SLCO3A1: variants seen among roughly 807,000 people sequenced by gnomAD.
The protein encoded by SLCO3A1 is solute carrier organic anion transporter family member 3A1, also known as PGE1 transporter.
A neutral mutation model predicts 63.1 loss-of-function variants in SLCO3A1; 27 were observed. That is an observed-to-expected ratio of 0.43 (90% CI 0.32 to 0.59). SLCO3A1 has a LOEUF of 0.59. Among genes scored for constraint, SLCO3A1 ranks in the 20% least tolerant of loss-of-function variants. The pLI, the probability that SLCO3A1 is intolerant of heterozygous loss-of-function variation, is 0.09. For synonymous variants in SLCO3A1, 473 were observed against 409.9 expected (o/e 1.15, Z -1.86); for missense variants, 773 against 945.8 (o/e 0.82, Z 2.40).
At chr15:92,076,318 C>G (rs1002401168) in intron 2 of SLCO3A1, among the ~76,000 whole-genome samples, 2 of 152,180 alleles carry the variant, frequency 1.3e-5, no homozygotes, top group Non-Finnish European at 2.9e-5. Flanking sequence ...CTGCCCTTCC[C>G]AGTCAGAACC....
At chr15:92,167,606 G>T (rs542833652), downstream of SLCO3A1, among the ~76,000 whole-genome samples, 1 of 152,178 alleles carries the variant, frequency 6.6e-6, no homozygotes, top group Admixed American at 6.5e-5. Flanking sequence ...CACGCCCCTA[G>T]TGTACTGTCA....
intron 2 of SLCO3A1, among the ~76,000 whole-genome samples, chr15:91,946,055 A>G (rs1310740498): frequency 2.6e-5 from 4 of 152,232 alleles, no homozygotes; most frequent in Non-Finnish European, 5.9e-5. Flanking sequence ...ATAGCGAAGT[A>G]AAAGCATCAG....
chr15:92,163,362 C>G lies in SLCO3A1; in HGVS notation c.*227C>G. ...TCGTGCGGCAGGGTCCTGGAGGCCA[C>G]TTGCGCGGCTGGGCCACAGAGTCTA... is the stretch of plus-strand genomic sequence containing the variant. On this transcript the variant is annotated 3_prime_UTR_variant, in exon 10 of 10. Transcript: ENST00000318445. 2 of 1,184,296 alleles carry G rather than the reference C, an allele frequency of 1.7e-6. No individual in the cohort carries two copies. The highest frequency in any genetic ancestry group is 2.1e-6 in the Non-Finnish European group (2 of 959,182). The allele number at this position is 1,184,296 out of a possible 1,614,324, so 73.4% of individuals were successfully genotyped here.
intron 2 of SLCO3A1, among the ~76,000 whole-genome samples, chr15:91,932,802 C>T (rs1899281571): frequency 6.6e-6 from 1 of 152,190 alleles, no homozygotes; most frequent in Admixed American, 6.5e-5. Context: ...TTCTCATGGT[C>T]GTTAGATCTA....
At chr15:92,020,770 T>G (rs1340611989) in intron 2 of SLCO3A1, among the ~76,000 whole-genome samples, 1 of 152,254 alleles carries the variant, frequency 6.6e-6, no homozygotes, top group Non-Finnish European at 1.5e-5. Flanking sequence ...AGCTTATCCA[T>G]GTGGGCAGTG....
At chr15:92,020,945 A>T (rs1387272202) in intron 2 of SLCO3A1, among the ~76,000 whole-genome samples, 2 of 152,234 alleles carry the variant, frequency 1.3e-5, no homozygotes, top group Non-Finnish European at 2.9e-5. Context: ...TCCTGGCTTC[A>T]TTGTTGTGTG....
intron 2 of SLCO3A1, among the ~76,000 whole-genome samples, chr15:92,088,218 A>G (rs924481114): frequency 6.6e-6 from 1 of 152,186 alleles, no homozygotes; most frequent in Non-Finnish European, 1.5e-5. Flanking sequence ...CAAACAGCGA[A>G]CTTACTGTCC....
chr15:92,086,866 C>A (rs2047410894), intron 2 of SLCO3A1, among the ~76,000 whole-genome samples: 1 of 151,918 alleles, frequency 6.6e-6, no homozygotes, highest in Non-Finnish European at 1.5e-5. Flanking sequence ...ATCCCAGCTA[C>A]TCAAGAGGCT....
At chr15:91,864,261 T>C (rs750959041) in intron 1 of SLCO3A1, among the ~76,000 whole-genome samples, 52 of 152,348 alleles carry the variant, frequency 3.4e-4, no homozygotes, top group Middle Eastern at 3.4e-3. Context: ...GCTTTCATGT[T>C]AGGCAAAATC....
intron 2 of SLCO3A1, among the ~76,000 whole-genome samples, chr15:92,086,651 T>C (rs1002678280): frequency 6.6e-6 from 1 of 152,188 alleles, no homozygotes; most frequent in Non-Finnish European, 1.5e-5. Flanking sequence ...AGTCTTTTCT[T>C]TCAATAGCTA....
Position 91,916,053 on chromosome 15 carries a change from A to G in SLCO3A1, c.241A>G (p.Ile81Val). The G allele has an allele frequency of 1.9e-6, 3 of 1,613,386 alleles. No homozygotes were observed. Among genetic ancestry groups the G allele is most frequent in the Non-Finnish European group, 2.5e-6 (3 of 1,179,994 alleles). ...FNLQSADVGV[I>V]ASSFEIGNLA... ...CCTGCAGAGCGCTGACGTGGGTGTGATCGCTAGCAGCTTCGAGATCGGGAA... is the reference window on the plus strand; with the variant it reads ...CCTGCAGAGCGCTGACGTGGGTGTGGTCGCTAGCAGCTTCGAGATCGGGAA... The change falls in exon 2 of 10, where the codon ATC (isoleucine) becomes GTC (valine). Residue 81 changes from isoleucine (I) to valine (V), a missense_variant. Ile to Val is a conservative substitution (Grantham distance 29). Transcript: ENST00000318445. The surrounding 1 kb of genome is among the most constrained non-coding windows in gnomAD (Gnocchi z 6.2).
rs755601739 is a variant in SLCO3A1, at chr15:91,975,419, G to A, written c.646+58961G>A. On this transcript the variant is annotated intron_variant, in intron 2 of 9. Coordinates refer to ENST00000318445, the MANE Select transcript of SLCO3A1 (RefSeq NM_013272.4). ...AAACATGAGAGCAGAGGACACTGGC[G>A]ATTGCATTAAGCGGACAGAAGTTAC... Among the ~76,000 whole-genome samples, 4 of 152,214 alleles carry A rather than the reference G, an allele frequency of 2.6e-5. No individual in the cohort carries two copies. The East Asian group carries it at 5.8e-4, about 22-fold the overall frequency.
At chr15:91,932,905 T>C (rs1229555746) in intron 2 of SLCO3A1, among the ~76,000 whole-genome samples, 2 of 152,182 alleles carry the variant, frequency 1.3e-5, no homozygotes, top group African/African-American at 4.8e-5. Context: ...ATGGGACACA[T>C]GTAGCTTTTG....
At chr15:92,052,409 C>T (rs1301453145) in intron 2 of SLCO3A1, among the ~76,000 whole-genome samples, 1 of 152,090 alleles carries the variant, frequency 6.6e-6, no homozygotes, top group East Asian at 1.9e-4. Context: ...TTCTGGCTTC[C>T]AGAGCATAAA....
chr15:92,107,400 G>A (rs150802223), intron 4 of SLCO3A1, among the ~76,000 whole-genome samples: 31 of 152,282 alleles, frequency 2.0e-4, no homozygotes, highest in African/African-American at 6.5e-4. Context: ...TTCTCCATGC[G>A]AGACACATGT....
intron 2 of SLCO3A1, among the ~76,000 whole-genome samples, chr15:92,057,886 A>G (rs1031565436): frequency 1.3e-5 from 2 of 152,192 alleles, no homozygotes; most frequent in Non-Finnish European, 2.9e-5. Flanking sequence ...ATGGTTAATA[A>G]TAATGCTTAT....
At chr15:91,876,117 C>A (rs1412747924) in intron 1 of SLCO3A1, among the ~76,000 whole-genome samples, 2 of 152,218 alleles carry the variant, frequency 1.3e-5, no homozygotes, top group African/African-American at 4.8e-5. Context: ...CTAGCCTGGG[C>A]AACATGGTGA....
intron 2 of SLCO3A1, among the ~76,000 whole-genome samples, chr15:91,970,482 G>A (rs1052041245): frequency 6.6e-6 from 1 of 152,188 alleles, no homozygotes; most frequent in Non-Finnish European, 1.5e-5. Flanking sequence ...ACACACGAGA[G>A]TCAACATGGA....
At chr15:92,102,447 C>T (rs2047617477) in intron 3 of SLCO3A1, among the ~76,000 whole-genome samples, 1 of 152,178 alleles carries the variant, frequency 6.6e-6, no homozygotes, top group Non-Finnish European at 1.5e-5. Context: ...GTGATTCTTG[C>T]TCATTGCCTG....
Sources: gnomAD v4.1 joint callset for allele counts (sites outside exome capture counted in the v4.1 genomes callset) on GRCh38, gnomAD v4.1.1 for gene constraint, Gnocchi (gnomAD v3.1) non-coding constraint, MANE v1.5 for transcripts, NCBI Gene and HGNC (gene_info 2026-07-23, HGNC 2026-07-21) for gene names.